The following HDAC9 variants were observed in gnomAD, a reference collection of about 807,000 sequenced individuals.
HDAC9 encodes the protein MEF-2 interacting transcription repressor (MITR) protein.
In HDAC9, 41 loss-of-function variants were observed where a neutral mutation model predicts 139.4. That is an observed-to-expected ratio of 0.29 (90% confidence interval 0.23 to 0.38). HDAC9 has a LOEUF of 0.38. HDAC9 is among the 10% of genes least tolerant of loss of function. HDAC9 has a pLI of 1.00. For missense variants in HDAC9, 1,147 were observed against 1,297.0 expected, an observed-to-expected ratio of 0.88 and a Z score of 1.78; for synonymous variants, 517 against 476.2, an observed-to-expected ratio of 1.09 and a Z score of -1.12.
chr7:18,378,986 G>T (rs191482377), intron 1 of HDAC9, among the ~76,000 whole-genome samples: 238 of 152,164 alleles, frequency 1.6e-3, no homozygotes, highest in Non-Finnish European at 2.5e-3. Flanking sequence ...TAAAACCAAA[G>T]TTTGCTTTTT....
At chr7:18,880,847 G>T (rs956177223) in intron 22 of HDAC9, among the ~76,000 whole-genome samples, 13 of 151,018 alleles carry the variant, frequency 8.6e-5, no homozygotes, top group South Asian at 2.1e-4. Flanking sequence ...AGTTGCCGGG[G>T]GGGGGGGAAC....
At position 18,629,320 on chromosome 7, in the gene HDAC9, C is replaced by A. The variant is rs751312793; in HGVS notation, c.665-30C>A. 149 of 1,434,650 alleles carry A rather than the reference C, an allele frequency of 1.0e-4. 2 individuals are homozygous for A. The South Asian group carries it at 1.9e-3, about 18-fold the overall frequency. 88.9% of individuals were successfully genotyped at this position (1,434,650 alleles called of 1,614,324 possible). ...GGCTCTCTATTTTTTTAATTTTTAT[C>A]TATTTTTTTTTTTTTGTCTCAATCC... On this transcript the variant is annotated intron_variant, in intron 6 of 25. Transcript: ENST00000686413.
At chr7:18,771,411 G>A (rs899442170) in intron 16 of HDAC9, among the ~76,000 whole-genome samples, 1 of 152,032 alleles carries the variant, frequency 6.6e-6, no homozygotes, top group African/African-American at 2.4e-5. Context: ...TTCTGCAAAC[G>A]TTTCAGTTGT....
At chr7:18,457,438 A>G (rs1377955242) in intron 1 of HDAC9, among the ~76,000 whole-genome samples, 1 of 152,228 alleles carries the variant, frequency 6.6e-6, no homozygotes, top group African/African-American at 2.4e-5. Flanking sequence ...GATATTATAA[A>G]TTTGATTTGC....
At chr7:18,221,597 G>A (rs1274162090) in intron 2 of HDAC9, among the ~76,000 whole-genome samples, 1 of 152,166 alleles carries the variant, frequency 6.6e-6, no homozygotes, top group Non-Finnish European at 1.5e-5. Context: ...AAAATTAGAT[G>A]ACTGGTAAGT....
intron 1 of HDAC9, among the ~76,000 whole-genome samples, chr7:18,406,591 C>T (rs559181347): frequency 6.6e-6 from 1 of 152,086 alleles, no homozygotes; most frequent in South Asian, 2.1e-4. Flanking sequence ...GACGGGGTTT[C>T]ACCGTGTTAG....
chr7:18,915,568 A>G (rs1252056347), intron 22 of HDAC9, among the ~76,000 whole-genome samples: 2 of 151,810 alleles, frequency 1.3e-5, no homozygotes, highest in Admixed American at 6.6e-5. Context: ...AAAGAATGAC[A>G]GTTTGCAAAT....
chr7:18,349,307 T>TACACAC (rs3138825), intron 1 of HDAC9, among the ~76,000 whole-genome samples: 3,652 of 125,720 alleles, frequency 0.029, 92 homozygotes, highest in East Asian at 0.062. Flanking sequence ...TGAGAACATC[T>TACACAC]ACACACACAC....
chr7:18,096,002 A>G (rs1782477408), intron 1 of HDAC9, among the ~76,000 whole-genome samples: 2 of 152,234 alleles, frequency 1.3e-5, no homozygotes, highest in South Asian at 4.1e-4. Flanking sequence ...TTTACACATG[A>G]TCAAAATTCC....
At chr7:18,736,533 C>T (rs909277365) in intron 13 of HDAC9, among the ~76,000 whole-genome samples, 4 of 152,092 alleles carry the variant, frequency 2.6e-5, no homozygotes, top group African/African-American at 4.8e-5. Context: ...TGATGGATTA[C>T]GTTTATTGAT....
At chr7:18,660,963 G>A (rs981221916) in intron 11 of HDAC9, among the ~76,000 whole-genome samples, 6 of 152,072 alleles carry the variant, frequency 3.9e-5, no homozygotes, top group Non-Finnish European at 8.8e-5. Context: ...TCTAAGCAGA[G>A]AATTAATGTT....
intron 12 of HDAC9, among the ~76,000 whole-genome samples, chr7:18,713,462 G>A (rs1164169493): frequency 6.6e-6 from 1 of 152,024 alleles, no homozygotes; most frequent in Non-Finnish European, 1.5e-5. Flanking sequence ...GATTGATTTA[G>A]CTATTCCGCA....
intron 2 of HDAC9, among the ~76,000 whole-genome samples, chr7:18,199,668 A>G (rs917099795): frequency 1.3e-5 from 2 of 150,418 alleles, no homozygotes; most frequent in Admixed American, 1.3e-4. Flanking sequence ...TGAAGTCCCA[A>G]CACTCTGGGA....
rs997816697 is a variant in HDAC9, at chr7:18,668,150, C to T, written c.1731+1674C>T. ...ATGTTACTGCTAAAGATACATTATC[C>T]TTTTTTAAAAAGTCTCCATTCAAAT... On this transcript the variant is annotated intron_variant, in intron 12 of 25. Coordinates refer to ENST00000686413, the MANE Select transcript of HDAC9 (RefSeq NM_178425.4). 5.8e-6 allele frequency: 5 copies of T among 857,394 alleles called. No individual in the cohort carries two copies. In the African/African-American group the frequency reaches 9.2e-5, roughly 16 times the overall value. The allele number at this position is 857,394 out of a possible 1,614,324, so 53.1% of individuals were successfully genotyped here.
chr7:18,912,402 A>G (rs891982632), intron 22 of HDAC9, among the ~76,000 whole-genome samples: 7 of 152,136 alleles, frequency 4.6e-5, no homozygotes, highest in Non-Finnish European at 1.0e-4. Context: ...AAGTGGGTAT[A>G]AGTATTAATA....
chr7:18,936,281 T>A (rs1172731070), intron 23 of HDAC9, among the ~76,000 whole-genome samples: 1 of 143,960 alleles, frequency 6.9e-6, no homozygotes, highest in Non-Finnish European at 1.5e-5. Flanking sequence ...GTTATGTTAT[T>A]TCTGGGAAAA....
intron 2 of HDAC9, among the ~76,000 whole-genome samples, chr7:18,547,053 A>G (rs1001045171): frequency 6.6e-6 from 1 of 152,234 alleles, no homozygotes; most frequent in Non-Finnish European, 1.5e-5. Context: ...TCATTTAAGT[A>G]TGTAACAGCA....
Position 18,182,794 on chromosome 7 carries a change from G to C in HDAC9, c.25+20445G>C, listed in dbSNP as rs183030410. 3.3e-3 allele frequency among the ~76,000 whole-genome samples: 496 copies of C among 152,284 alleles called. 1 individual carries two copies. The highest frequency in any genetic ancestry group is 4.7e-3 in the Non-Finnish European group (317 of 68,028). ...GCTAGTTGTCAGGAGATTGGCTTGA[G>C]AATAAGGCTGATGAAGAGTAGTTGA... is the stretch of plus-strand genomic sequence containing the variant. On this transcript the variant is annotated intron_variant, in intron 2 of 12. Coordinates refer to the HDAC9 transcript ENST00000417496.
At chr7:18,091,782 T>C (rs1418598199) in intron 1 of HDAC9, among the ~76,000 whole-genome samples, 4 of 152,236 alleles carry the variant, frequency 2.6e-5, no homozygotes, top group Admixed American at 6.5e-5. Flanking sequence ...TTTTCTATTA[T>C]TGGCAGAATT....
Sources: gnomAD v4.1 joint callset for allele counts (sites outside exome capture counted in the v4.1 genomes callset) on GRCh38, gnomAD v4.1.1 for gene constraint, MANE v1.5 for transcripts, NCBI Gene and HGNC (gene_info 2026-07-23, HGNC 2026-07-21) for gene names.